COL9A2: variants seen among roughly 807,000 people sequenced by gnomAD.
COL9A2 encodes the protein collagen type IX alpha 2 chain, also known as collagen alpha-2(IX) chain.
Under a neutral mutation model 111.6 loss-of-function variants are expected in COL9A2, and 66 were observed. The ratio of observed to expected loss-of-function variants is 0.59; its 90% confidence interval spans 0.48 to 0.73. COL9A2 has a LOEUF of 0.73. Among genes scored for constraint, COL9A2 ranks in the 30% least tolerant of loss-of-function variants. COL9A2 has a pLI of 0.00. For synonymous variants in COL9A2, 353 were observed against 364.1 expected (o/e 0.97, Z 0.35); for missense variants, 881 against 954.1 (o/e 0.92, Z 1.01).
rs1557807693 is a variant in COL9A2 at position 40,316,298 on chromosome 1, T to C, written c.76-634A>G. Among the ~76,000 whole-genome samples the C allele has an allele frequency of 6.6e-6, 1 of 152,172 alleles. No individual in the cohort carries two copies. The highest frequency in any genetic ancestry group is 2.4e-5 in the African/African-American group (1 of 41,458). On this transcript the variant is annotated intron_variant, in intron 1 of 31. Transcript: ENST00000372748. The surrounding 1 kb of genome is among the most constrained non-coding windows in gnomAD (Gnocchi z 5.5). Reference sequence around the variant, plus strand: ...CACAGCTGCCCGGTCCTCCCTCTGCTAAGCCCTGACTGCTGCAGGGGAGCA... The same window carrying C: ...CACAGCTGCCCGGTCCTCCCTCTGCCAAGCCCTGACTGCTGCAGGGGAGCA...
rs1644192762 is a variant in COL9A2, at chr1:40,314,989, C to T, written c.150+601G>A. Among the ~76,000 whole-genome samples, 1 of 151,554 alleles carries T rather than the reference C, an allele frequency of 6.6e-6. No individual in the cohort carries two copies. Among genetic ancestry groups the T allele is most frequent in the East Asian group, 2.0e-4 (1 of 5,120 alleles). On this transcript the variant is annotated intron_variant, in intron 2 of 31. Coordinates refer to ENST00000372748, the MANE Select transcript of COL9A2 (RefSeq NM_001852.4). The surrounding 1 kb of genome is among the most constrained non-coding windows in gnomAD (Gnocchi z 4.1). ...CCTCCAGGCATTTCAGAGCCCTCAG[C>T]AGCCAGGGCCTGGCCGGGGGCCCAG...
chr1:40,306,467 A>G (rs988450989), intron 19 of COL9A2, among the ~76,000 whole-genome samples: 1 of 152,228 alleles, frequency 6.6e-6, no homozygotes, highest in African/African-American at 2.4e-5. Context: ...GCAGGAACAC[A>G]AGTCTGCATG....
At position 40,303,958 on chromosome 1, in the gene COL9A2, C is replaced by T. The variant is rs866103846; in HGVS notation, c.1338G>A (p.Val446=). 2 of 1,563,026 alleles carry T rather than the reference C, an allele frequency of 1.3e-6. No homozygotes were observed. The highest frequency in any genetic ancestry group is 1.4e-5 in the African/African-American group (1 of 73,934). ...CGCCTTTCTCTCCGGGGAGGCCGGCCACCCCTGGGTCACCCTGCAGAGAGA... is the reference window on the plus strand; with the variant it reads ...CGCCTTTCTCTCCGGGGAGGCCGGCTACCCCTGGGTCACCCTGCAGAGAGA... ...GPRGKVGDPG[V]AGLPGEKGEK... Residue 446 remains valine, a synonymous_variant, in exon 26 of 32, where the codon GTG becomes GTA. Transcript: ENST00000372748. This position sits in a 1 kb window ranked among gnomAD's most constrained non-coding sequence, Gnocchi z 4.6.
intron 16 of COL9A2, among the ~76,000 whole-genome samples, chr1:40,308,550 C>T (rs117167567): frequency 0.018 from 2,690 of 152,296 alleles, 46 homozygotes; most frequent in South Asian, 0.034. Flanking sequence ...ACACAACAAC[C>T]GAATGCAGTG....
Position 40,312,032 on chromosome 1 carries a change from AGTGAACAGAGG to A in COL9A2, c.417+16_417+26del, listed in dbSNP as rs1644136719. 2 of 1,592,260 alleles carry A rather than the reference AGTGAACAGAGG, an allele frequency of 1.3e-6. No individual in the cohort carries two copies. Among genetic ancestry groups the A allele is most frequent in the African/African-American group, 2.7e-5 (2 of 74,800 alleles). The stretch of plus-strand genomic sequence containing the variant: ...AGCTTGGAGATAGAAGGCAGGAGGC[AGTGAACAGAGG>A]GTGGCTGAGGCTCACCTTGGGGCCT... On this transcript the variant is annotated intron_variant, in intron 8 of 31. Transcript: ENST00000372748. The surrounding 1 kb of genome is among the most constrained non-coding windows in gnomAD (Gnocchi z 6.0).
At chr1:40,313,278 T>C (rs1056663570) in intron 4 of COL9A2, among the ~76,000 whole-genome samples, 5 of 152,162 alleles carry the variant, frequency 3.3e-5, no homozygotes, top group African/African-American at 4.8e-5. Flanking sequence ...AAATGATTCT[T>C]GTGCCCCAGC....
At chr1:40,301,591 T>G (rs1251727990) in intron 31 of COL9A2, among the ~76,000 whole-genome samples, 1 of 152,180 alleles carries the variant, frequency 6.6e-6, no homozygotes, top group Non-Finnish European at 1.5e-5. Context: ...CCATCACCTC[T>G]GTGAAGTGAT....
Position 40,304,050 on chromosome 1 carries a change from G to T in COL9A2, c.1323+14C>A, listed in dbSNP as rs568467832. 5.4e-5 allele frequency: 86 copies of T among 1,579,348 alleles called. 1 individual carries two copies. The South Asian group carries it at 8.5e-4, about 16-fold the overall frequency. ...GGGTTGGGGGTCGCTGGGAACAGGG[G>T]TGCTGGAACTCACCACTTTGCCGCG... On this transcript the variant is annotated intron_variant, in intron 25 of 31. Transcript: ENST00000372748.
In COL9A2 at chr1:40,315,396, T is replaced by C. The variant is rs543241449; in HGVS notation, c.150+194A>G. The C allele has an allele frequency of 7.8e-5, 109 of 1,400,332 alleles. 2 individuals are homozygous for C. The South Asian group carries it at 1.6e-3, about 21-fold the overall frequency. 86.7% of individuals were successfully genotyped at this position (1,400,332 alleles called of 1,614,324 possible). On this transcript the variant is annotated intron_variant, in intron 2 of 31. Transcript: ENST00000372748. ...TTGTCTGTCGGCGGCTATAACGGGCTCCGCATGTCAGGGCTGGTTTGAGGT... is the reference window on the plus strand; with the variant it reads ...TTGTCTGTCGGCGGCTATAACGGGCCCCGCATGTCAGGGCTGGTTTGAGGT...
At chr1:40,301,713 G>T in intron 31 of COL9A2, 99 bp downstream of exon 31, 4 of 1,165,860 alleles carry the variant, frequency 3.4e-6, no homozygotes, top group Non-Finnish European at 5.0e-6. Flanking sequence ...GACTGAGCTG[G>T]CTGAGCGTGA....
chr1:40,307,618 C>T lies in COL9A2; in HGVS notation c.954+85G>A. On this transcript the variant is annotated intron_variant, in intron 18 of 31. Transcript: ENST00000372748. The surrounding 1 kb of genome is among the most constrained non-coding windows in gnomAD (Gnocchi z 4.8). ...AGGCAAGAAAGGGCATGTCCATGACCTGAGGACCCCAGGCTCTTGGTGTCT... is the reference window on the plus strand; with the variant it reads ...AGGCAAGAAAGGGCATGTCCATGACTTGAGGACCCCAGGCTCTTGGTGTCT... The T allele has an allele frequency of 1.9e-6, 3 of 1,589,084 alleles. No individual in the cohort carries two copies.
intron 24 of COL9A2, 52 bp from the exon 25 acceptor site, chr1:40,304,151 C>T (rs923029282): frequency 2.0e-6 from 3 of 1,522,908 alleles, no homozygotes; most frequent in African/African-American, 1.4e-5. Context: ...TCCACGGGGT[C>T]CCCCACCTAA....
In COL9A2 at chr1:40,311,445, C is replaced by T; in HGVS notation, c.519+55G>A. On this transcript the variant is annotated intron_variant, in intron 10 of 31. Coordinates refer to ENST00000372748, the MANE Select transcript of COL9A2 (RefSeq NM_001852.4). The surrounding 1 kb of genome is among the most constrained non-coding windows in gnomAD (Gnocchi z 5.1). ...CCCCATCTCCGTGGCCCCGCCTCCC[C>T]ATCTCTGTGGCCCCGCCCCCCTGTG... 2 of 1,555,414 alleles carry T rather than the reference C, an allele frequency of 1.3e-6. No homozygotes were observed. The highest frequency in any genetic ancestry group is 1.8e-6 in the Non-Finnish European group (2 of 1,128,614).
chr1:40,303,563 GCCTCGGTTCCCGGCCAGT>G lies in COL9A2; in HGVS notation c.1497_1514del (p.Leu500_Gly505del). 2 of 1,611,474 alleles carry G rather than the reference GCCTCGGTTCCCGGCCAGT, an allele frequency of 1.2e-6. No homozygotes were observed. ...CCTGTCTCCCGGGCTGTCCTGGCAC[GCCTCGGTTCCCGGCCAGT>G]CCTCGAGGGCCGGGGGGACCAGGGT... On this transcript the variant is annotated inframe_deletion, in exon 28 of 32. Coordinates refer to ENST00000372748, the MANE Select transcript of COL9A2 (RefSeq NM_001852.4). This position sits in a 1 kb window ranked among gnomAD's most constrained non-coding sequence, Gnocchi z 4.6.
Position 40,303,535 on chromosome 1 carries a change from C to G in COL9A2, c.1543G>C (p.Val515Leu). The G allele has an allele frequency of 6.2e-7, 1 of 1,612,788 alleles. No homozygotes were observed. Among genetic ancestry groups the G allele is most frequent in the Non-Finnish European group, 8.5e-7 (1 of 1,179,830 alleles). Residue 515 changes from valine to leucine, a missense_variant, in exon 28 of 32, where the codon GTG (valine) becomes CTG (leucine). Transcript: ENST00000372748. The surrounding 1 kb of genome is among the most constrained non-coding windows in gnomAD (Gnocchi z 4.6). ...TACCCCGGGGCCCGACTCACCTCCACGCCCTGTCTCCCGGGCTGTCCTGGC... is the reference window on the plus strand; with the variant it reads ...TACCCCGGGGCCCGACTCACCTCCAGGCCCTGTCTCCCGGGCTGTCCTGGC... Reference protein sequence around the residue: ...GVPGQPGRQGVEGRDATDQHI... With the variant: ...GVPGQPGRQGLEGRDATDQHI...
In COL9A2 at chr1:40,303,290, G is replaced by T; in HGVS notation, c.1549-105C>A. 1 of 1,256,136 alleles carries T rather than the reference G, an allele frequency of 8.0e-7. No individual in the cohort carries two copies. Among genetic ancestry groups the T allele is most frequent in the Non-Finnish European group, 1.1e-6 (1 of 881,818 alleles). 77.8% of individuals were successfully genotyped at this position (1,256,136 alleles called of 1,614,324 possible). A position where few individuals can be genotyped will look rare whatever the true frequency, so the allele number is the denominator to read the frequency against. ...CCGCCATGGAGGAGACTCTGGTGTT[G>T]AGTCATTAATTCCCAAGCTGAGGAA... On this transcript the variant is annotated intron_variant, in intron 28 of 31. Transcript: ENST00000372748. This position sits in a 1 kb window ranked among gnomAD's most constrained non-coding sequence, Gnocchi z 4.6.
chr1:40,303,098 AACTG>A lies in COL9A2; in HGVS notation c.1603+29_1603+32del. Reference sequence around the variant, plus strand: ...GGGTGAGGGGGCGGCGATGCCCTCGAACTGACTGTGAGGAGGGGTTGCTGCCCCT... The same window carrying A: ...GGGTGAGGGGGCGGCGATGCCCTCGAACTGTGAGGAGGGGTTGCTGCCCCT... On this transcript the variant is annotated intron_variant, in intron 29 of 31. Transcript: ENST00000372748. The surrounding 1 kb of genome is among the most constrained non-coding windows in gnomAD (Gnocchi z 4.6). 6.2e-7 allele frequency: 1 copy of A among 1,607,272 alleles called. No individual in the cohort carries two copies. Among genetic ancestry groups the A allele is most frequent in the Non-Finnish European group, 8.5e-7 (1 of 1,176,848 alleles).
intron 2 of COL9A2, 82 bp downstream of exon 2, chr1:40,315,508 T>TC: frequency 7.2e-7 from 1 of 1,392,702 alleles, no homozygotes; most frequent in Non-Finnish European, 9.7e-7. Flanking sequence ...CACCCCGAAG[T>TC]CCCCACCCCC....
Position 40,310,437 on chromosome 1 carries a change from C to T in COL9A2, c.685-120G>A. 9.6e-7 allele frequency: 1 copy of T among 1,045,136 alleles called. No individual in the cohort carries two copies. Among genetic ancestry groups the T allele is most frequent in the Admixed American group, 1.9e-5 (1 of 53,266 alleles). The allele number at this position is 1,045,136 out of a possible 1,614,324, so 64.7% of individuals were successfully genotyped here. The stretch of plus-strand genomic sequence containing the variant: ...GAGGTAGGCAGCAGAGTCTCTGTCT[C>T]ATGGATGGGACATGGAGGTTCAGAG... On this transcript the variant is annotated intron_variant, in intron 13 of 31. Transcript: ENST00000372748. This position sits in a 1 kb window ranked among gnomAD's most constrained non-coding sequence, Gnocchi z 4.9.
Sources: allele counts gnomAD v4.1 joint callset (sites outside exome capture counted in the v4.1 genomes callset), GRCh38; gene constraint gnomAD v4.1.1; non-coding constraint Gnocchi (gnomAD v3.1); transcripts MANE v1.5; gene names NCBI Gene and HGNC (gene_info 2026-07-23, HGNC 2026-07-21).